LPP: variants seen among roughly 807,000 people sequenced by gnomAD.
LPP encodes lipoma-preferred partner.
Under a neutral mutation model 60.4 loss-of-function variants are expected in LPP, and 38 were observed. The observed-to-expected ratio is 0.63, with a 90% confidence interval of 0.49 to 0.83. LPP has a LOEUF of 0.83. Ranked by LOEUF, LPP falls within the 40% of genes least tolerant of loss-of-function variation. The pLI is 0.00. For missense variants in LPP, 902 were observed against 783.6 expected (o/e 1.15, Z -1.80); for synonymous variants, 328 against 290.8 (o/e 1.13, Z -1.30).
At chr3:188,534,125 A>G (rs1822935532) in intron 6 of LPP, among the ~76,000 whole-genome samples, 1 of 152,102 alleles carries the variant, frequency 6.6e-6, no homozygotes, top group African/African-American at 2.4e-5. Context: ...CTTAGCTCCT[A>G]GTGGGGATAG....
chr3:188,279,802 C>T (rs753117848), intron 2 of LPP, among the ~76,000 whole-genome samples: 1 of 152,176 alleles, frequency 6.6e-6, no homozygotes, highest in African/African-American at 2.4e-5. Flanking sequence ...GTCCTGGCAA[C>T]CTAAAATTGA....
chr3:188,691,717 C>T (rs1445302687), intron 7 of LPP, among the ~76,000 whole-genome samples: 2 of 152,214 alleles, frequency 1.3e-5, no homozygotes, highest in Non-Finnish European at 2.9e-5. Context: ...GAACATAGAA[C>T]TCTAGCAGCC....
At chr3:188,377,488 T>C (rs959552710) in intron 3 of LPP, among the ~76,000 whole-genome samples, 7 of 152,230 alleles carry the variant, frequency 4.6e-5, no homozygotes, top group African/African-American at 1.7e-4. Flanking sequence ...TTTCTTCCAG[T>C]TGATCGCATC....
intron 2 of LPP, among the ~76,000 whole-genome samples, chr3:188,279,549 T>C (rs950471276): frequency 6.6e-6 from 1 of 152,208 alleles, no homozygotes; most frequent in African/African-American, 2.4e-5. Flanking sequence ...AGATTCATTT[T>C]AAGAAGCACA....
chr3:188,666,923 A>G (rs1021313426), intron 7 of LPP, among the ~76,000 whole-genome samples: 6 of 152,224 alleles, frequency 3.9e-5, no homozygotes, highest in African/African-American at 1.2e-4. Context: ...GGAGGCCACT[A>G]TATAGTGGAT....
intron 6 of LPP, among the ~76,000 whole-genome samples, chr3:188,593,600 C>T (rs1263002838): frequency 6.6e-6 from 1 of 152,170 alleles, no homozygotes; most frequent in Non-Finnish European, 1.5e-5. Context: ...TCCCCTCCCA[C>T]TCTTTCCCTC....
intron 2 of LPP, among the ~76,000 whole-genome samples, chr3:188,258,344 A>G (rs1360052322): frequency 6.6e-6 from 1 of 152,168 alleles, no homozygotes; most frequent in Non-Finnish European, 1.5e-5. Context: ...TTGTTTTGAG[A>G]CAGCGTCTCC....
At chr3:188,487,365 G>A (rs994574405) in intron 5 of LPP, among the ~76,000 whole-genome samples, 2 of 152,134 alleles carry the variant, frequency 1.3e-5, no homozygotes, top group African/African-American at 2.4e-5. Context: ...CAACCATGGG[G>A]CTTTCAAAAG....
At chr3:188,380,748 C>G (rs1224408377) in intron 3 of LPP, among the ~76,000 whole-genome samples, 1 of 152,172 alleles carries the variant, frequency 6.6e-6, no homozygotes, top group African/African-American at 2.4e-5. Flanking sequence ...GTATTTTTCT[C>G]CCCCATAAAA....
chr3:188,375,294 C>G (rs1226953147), intron 3 of LPP, among the ~76,000 whole-genome samples: 7 of 152,154 alleles, frequency 4.6e-5, no homozygotes, highest in Non-Finnish European at 8.8e-5. Flanking sequence ...ACCAGCTCCT[C>G]TTTGCACCTC....
At chr3:188,679,570 C>CGT (rs1859003237) in intron 7 of LPP, among the ~76,000 whole-genome samples, 5 of 148,232 alleles carry the variant, frequency 3.4e-5, no homozygotes, top group African/African-American at 5.0e-5. Context: ...TGTGCGCGCG[C>CGT]GCATGTTTAG....
At chr3:188,643,371 T>C (rs572452925) in intron 7 of LPP, among the ~76,000 whole-genome samples, 29 of 152,328 alleles carry the variant, frequency 1.9e-4, no homozygotes, top group African/African-American at 7.0e-4. Flanking sequence ...TGTCTTAGGC[T>C]TTTAGATTCA....
At chr3:188,783,031 T>C (rs758391662) in intron 9 of LPP, among the ~76,000 whole-genome samples, 9 of 152,148 alleles carry the variant, frequency 5.9e-5, no homozygotes, top group Non-Finnish European at 1.2e-4. Flanking sequence ...AGATTATCAG[T>C]TGCCAATTGG....
intron 2 of LPP, chr3:188,247,186 T>G: frequency 2.0e-6 from 2 of 984,820 alleles, no homozygotes; most frequent in Non-Finnish European, 2.4e-6. Context: ...GGAGAATTCT[T>G]CTTACCCTGA....
intron 2 of LPP, among the ~76,000 whole-genome samples, chr3:188,300,296 T>C (rs1304107709): frequency 6.6e-6 from 1 of 152,148 alleles, no homozygotes; most frequent in Non-Finnish European, 1.5e-5. Flanking sequence ...ATTCCCAAAA[T>C]GTAAATTTTA....
At chr3:188,869,978 G>A (rs950734371) in intron 10 of LPP, among the ~76,000 whole-genome samples, 2 of 152,000 alleles carry the variant, frequency 1.3e-5, no homozygotes, top group Admixed American at 1.3e-4. Context: ...ATCTTTAAAG[G>A]CCCAACTCAA....
intron 1 of LPP, among the ~76,000 whole-genome samples, chr3:188,170,424 A>G (rs1195763118): frequency 6.9e-6 from 1 of 145,186 alleles, no homozygotes; most frequent in Non-Finnish European, 1.5e-5. Flanking sequence ...TCCGCCTCCC[A>G]GGCTCAAGCA....
At position 188,438,354 on chromosome 3, in the gene LPP, T is replaced by TTCACACACACAC. The variant is rs374408127; in HGVS notation, c.193+32041_193+32042insTCACACACACAC. Among the ~76,000 whole-genome samples, 85 of 138,096 alleles carry TTCACACACACAC rather than the reference T, an allele frequency of 6.2e-4. 7 individuals are homozygous for TTCACACACACAC. The highest frequency in any genetic ancestry group is 5.7e-3 in the South Asian group (23 of 4,000). 90.6% of individuals were successfully genotyped at this position (138,096 alleles called of 152,430 possible). A position where few individuals can be genotyped will look rare whatever the true frequency, so the allele number is the denominator to read the frequency against. On this transcript the variant is annotated intron_variant, in intron 4 of 11. Transcript: ENST00000617246. ...GTGTTCCAGACACTATTCCATGCAT[T>TTCACACACACAC]ACACACACACACACACACACACACA... is the stretch of plus-strand genomic sequence containing the variant.
At chr3:188,630,734 T>C (rs747807673) in intron 7 of LPP, among the ~76,000 whole-genome samples, 1 of 152,176 alleles carries the variant, frequency 6.6e-6, no homozygotes, top group Non-Finnish European at 1.5e-5. Context: ...TGTATGTTCA[T>C]TGCAGCACTA....
Sources: allele counts gnomAD v4.1 joint callset (sites outside exome capture counted in the v4.1 genomes callset), GRCh38; gene constraint gnomAD v4.1.1; transcripts MANE v1.5; gene names NCBI Gene and HGNC (gene_info 2026-07-23, HGNC 2026-07-21).